Variants in ERBB4 observed in about 807,000 individuals in gnomAD.
ERBB4 encodes erb-b2 receptor tyrosine kinase 4.
A neutral mutation model predicts 158.0 loss-of-function variants in ERBB4; 42 were observed. That is an observed-to-expected ratio of 0.27 (90% CI 0.21 to 0.34). The LOEUF (loss-of-function observed/expected upper bound fraction) is 0.34. ERBB4 is among the 10% of genes least tolerant of loss of function. The pLI is 1.00. For synonymous variants in ERBB4, 583 were observed against 558.7 expected (o/e 1.04, Z -0.61); for missense variants, 1,333 against 1,624.1 (o/e 0.82, Z 3.08).
chr2:212,057,313 T>C (rs575288178), intron 2 of ERBB4, among the ~76,000 whole-genome samples: 2 of 152,196 alleles, frequency 1.3e-5, no homozygotes, highest in Admixed American at 1.3e-4. Flanking sequence ...AGACTTAGAC[T>C]CCCACACAAT....
chr2:212,359,259 A>C (rs13395813), intron 1 of ERBB4, among the ~76,000 whole-genome samples: 47,997 of 151,100 alleles, frequency 0.32, 10,162 homozygotes, highest in African/African-American at 0.62. Flanking sequence ...ACATATTTTA[A>C]AAACTTGTAT....
intron 1 of ERBB4, among the ~76,000 whole-genome samples, chr2:212,248,056 T>C (rs1251800422): frequency 6.6e-6 from 1 of 152,168 alleles, no homozygotes; most frequent in East Asian, 1.9e-4. Flanking sequence ...ATACTGGAGA[T>C]GTTAATTTAA....
At chr2:211,580,839 AT>A (rs2068063860) in intron 19 of ERBB4, among the ~76,000 whole-genome samples, 1 of 13,498 alleles carries the variant, frequency 7.4e-5, no homozygotes, top group Non-Finnish European at 5.4e-4. Flanking sequence ...TATATAGATT[AT>A]ATATTATATA....
In ERBB4 at chr2:212,538,701, C is replaced by T; in HGVS notation, c.-171G>A. 6.3e-6 allele frequency: 3 copies of T among 473,242 alleles called. No homozygotes were observed. The highest frequency in any genetic ancestry group is 1.1e-5 in the Non-Finnish European group (3 of 280,660). The allele number at this position is 473,242 out of a possible 1,614,324, so 29.3% of individuals were successfully genotyped here. On this transcript the variant is annotated 5_prime_UTR_variant, in exon 1 of 28. Transcript: ENST00000342788. ...GGGCGGGCGACCGAGTCCGCGCCCG[C>T]GGGTCCAGGGCCGGGGCCCGAGGAG...
intron 20 of ERBB4, among the ~76,000 whole-genome samples, chr2:211,449,189 C>T (rs537359056): frequency 1.3e-5 from 2 of 152,150 alleles, no homozygotes; most frequent in East Asian, 1.9e-4. Context: ...ATAAAATTTA[C>T]TTAAAGATAA....
At chr2:211,529,078 A>T (rs531306446) in intron 20 of ERBB4, among the ~76,000 whole-genome samples, 1 of 151,902 alleles carries the variant, frequency 6.6e-6, no homozygotes, top group East Asian at 1.9e-4. Flanking sequence ...TTTTTGAAAC[A>T]ATAAACAAAA....
At chr2:212,107,446 C>T (rs561293489) in intron 2 of ERBB4, among the ~76,000 whole-genome samples, 1 of 152,224 alleles carries the variant, frequency 6.6e-6, no homozygotes, top group South Asian at 2.1e-4. Flanking sequence ...ATGCCTGTAT[C>T]CCCATTGTAT....
At chr2:211,949,114 A>G (rs182126913) in intron 2 of ERBB4, among the ~76,000 whole-genome samples, 1 of 152,030 alleles carries the variant, frequency 6.6e-6, no homozygotes, top group African/African-American at 2.4e-5. Context: ...ATGATCAGAA[A>G]CTCAACTACC....
At chr2:212,043,001 C>T (rs747432202) in intron 2 of ERBB4, among the ~76,000 whole-genome samples, 2 of 152,096 alleles carry the variant, frequency 1.3e-5, no homozygotes, top group Non-Finnish European at 2.9e-5. Context: ...AGCTGTGCGG[C>T]AAAGGAAAAT....
At chr2:211,937,238 T>G (rs1002957390) in intron 3 of ERBB4, among the ~76,000 whole-genome samples, 2 of 152,176 alleles carry the variant, frequency 1.3e-5, no homozygotes, top group Non-Finnish European at 2.9e-5. Context: ...TTAAATTTGT[T>G]GAAATATGGC....
chr2:212,192,456 A>G (rs1008071193), intron 1 of ERBB4, among the ~76,000 whole-genome samples: 2 of 151,990 alleles, frequency 1.3e-5, no homozygotes, highest in South Asian at 4.1e-4. Flanking sequence ...ATCATATTTC[A>G]GTCTATATTT....
chr2:212,067,822 A>C (rs1485061206), intron 2 of ERBB4, among the ~76,000 whole-genome samples: 1 of 152,066 alleles, frequency 6.6e-6, no homozygotes, highest in Non-Finnish European at 1.5e-5. Context: ...TTTCACAATA[A>C]GTAGTTCCTG....
chr2:211,880,781 G>A (rs1575306354), intron 3 of ERBB4, among the ~76,000 whole-genome samples: 2 of 147,874 alleles, frequency 1.4e-5, no homozygotes, highest in East Asian at 1.9e-4. Context: ...CCAAAGAAAT[G>A]AACAGTTTAC....
intron 1 of ERBB4, among the ~76,000 whole-genome samples, chr2:212,385,513 C>T (rs1228156997): frequency 6.6e-6 from 1 of 151,762 alleles, no homozygotes; most frequent in Non-Finnish European, 1.5e-5. Context: ...ACAAATTAAG[C>T]AACTCTCTTC....
At chr2:212,305,488 T>C (rs894669482) in intron 1 of ERBB4, among the ~76,000 whole-genome samples, 3 of 151,310 alleles carry the variant, frequency 2.0e-5, no homozygotes, top group Non-Finnish European at 4.4e-5. Flanking sequence ...ACTACCTATA[T>C]GATGGTTGTA....
At chr2:211,843,656 T>C (rs1048534304) in intron 3 of ERBB4, among the ~76,000 whole-genome samples, 69 of 117,658 alleles carry the variant, frequency 5.9e-4, no homozygotes, top group African/African-American at 2.1e-3. Context: ...TTTATCTTAG[T>C]TTCGTTCTGT....
At chr2:212,420,822 C>T (rs979541468) in intron 1 of ERBB4, among the ~76,000 whole-genome samples, 1 of 152,070 alleles carries the variant, frequency 6.6e-6, no homozygotes, top group Non-Finnish European at 1.5e-5. Context: ...AAATGAAGAG[C>T]ATTATGAGGA....
chr2:212,197,629 T>C (rs1274029895), intron 1 of ERBB4, among the ~76,000 whole-genome samples: 1 of 152,212 alleles, frequency 6.6e-6, no homozygotes, highest in Admixed American at 6.6e-5. Flanking sequence ...ATAGGTTTGA[T>C]AGTGTCACAA....
intron 20 of ERBB4, among the ~76,000 whole-genome samples, chr2:211,515,905 T>TATATATATATATATATATATATATATAC (rs1559248803): frequency 1.8e-4 from 16 of 91,070 alleles, no homozygotes; most frequent in South Asian, 6.3e-4. Flanking sequence ...ATTATATATA[T>TATATATATATATATATATATATATATAC]ATATATATTT....
Sources: gnomAD v4.1 joint callset for allele counts (sites outside exome capture counted in the v4.1 genomes callset) on GRCh38, gnomAD v4.1.1 for gene constraint, MANE v1.5 for transcripts, NCBI Gene and HGNC (gene_info 2026-07-23, HGNC 2026-07-21) for gene names.